RBFOX1: variants seen among roughly 807,000 people sequenced by gnomAD.
RBFOX1 encodes RNA binding protein fox-1 homolog 1.
Under a neutral mutation model 57.7 loss-of-function variants are expected in RBFOX1, and 8 were observed. The ratio of observed to expected loss-of-function variants is 0.14; its 90% CI spans 0.08 to 0.25. The LOEUF is 0.25. Among genes scored for constraint, RBFOX1 ranks in the 10% least tolerant of loss-of-function variants. The pLI is 1.00. For missense variants in RBFOX1, 611 were observed against 548.5 expected (o/e 1.11, Z -1.14); for synonymous variants, 326 against 222.4 (o/e 1.47, Z -4.15).
chr16:7,398,081 G>A (rs6500953), intron 4 of RBFOX1, among the ~76,000 whole-genome samples: 4,234 of 152,082 alleles, frequency 0.028, 142 homozygotes, highest in African/African-American at 0.076. Context: ...CTATTTCCTG[G>A]GTTGTTCATG....
At chr16:7,520,916 A>G (rs757642065) in intron 5 of RBFOX1, among the ~76,000 whole-genome samples, 12 of 152,304 alleles carry the variant, frequency 7.9e-5, no homozygotes, top group East Asian at 1.9e-4. Context: ...TTAAGCTTCT[A>G]TTAGGGCCAG....
rs567131999 is a variant in RBFOX1, at chr16:7,551,057, A to C, written c.271-28720A>C. Among the ~76,000 whole-genome samples, 159 of 146,778 alleles carry C rather than the reference A, an allele frequency of 1.1e-3. 2 individuals are homozygous for C. The highest frequency in any genetic ancestry group is 3.8e-3 in the African/African-American group (149 of 39,696). ...TGCAGTGAGCTGAGATTGTGCCATC[A>C]CACTCCAGCCTGGGCAACAAGAGCG... On this transcript the variant is annotated intron_variant, in intron 5 of 15. Coordinates refer to ENST00000550418, the MANE Select transcript of RBFOX1 (RefSeq NM_018723.4).
chr16:5,827,033 C>A lies in RBFOX1; in HGVS notation c.319-40270C>A, dbSNP rs545467374. 1.8e-3 allele frequency among the ~76,000 whole-genome samples: 272 copies of A among 152,304 alleles called. 2 individuals carry two copies. Among genetic ancestry groups the A allele is most frequent in the Middle Eastern group, 3.4e-3 (1 of 294 alleles). On this transcript the variant is annotated intron_variant, in intron 3 of 19. Coordinates refer to the RBFOX1 transcript ENST00000641259. The stretch of plus-strand genomic sequence containing the variant: ...GAAGCCTATCTCTTCGTTGGAGCAT[C>A]CTTGACTCTACGAATATTCTTTCTC...
At chr16:6,089,897 G>A (rs1488315424) in intron 1 of RBFOX1, among the ~76,000 whole-genome samples, 1 of 152,224 alleles carries the variant, frequency 6.6e-6, no homozygotes, top group Non-Finnish European at 1.5e-5. Flanking sequence ...TCCCATGGCT[G>A]CTGTAATAAA....
In RBFOX1 at chr16:5,454,947, C is replaced by T. The variant is rs1567535752; in HGVS notation, c.220-12269C>T. On this transcript the variant is annotated intron_variant, in intron 1 of 2. Coordinates refer to the RBFOX1 transcript ENST00000585867. ...TCTTTCTTCCTTCCTTCCTTCCTTCCTTCCTTCCTTCCTTTCTTTCTTTCT... is the reference window on the plus strand; with the variant it reads ...TCTTTCTTCCTTCCTTCCTTCCTTCTTTCCTTCCTTCCTTTCTTTCTTTCT... Among the ~76,000 whole-genome samples the T allele has an allele frequency of 4.2e-3, 191 of 45,690 alleles. 7 individuals are homozygous for T. The highest frequency in any genetic ancestry group is 0.013 in the African/African-American group (180 of 13,546). 30.0% of individuals were successfully genotyped at this position (45,690 alleles called of 152,430 possible). A position where few individuals can be genotyped will look rare whatever the true frequency, so the allele number is the denominator to read the frequency against.
chr16:5,749,034 C>A (rs1044676492), intron 3 of RBFOX1, among the ~76,000 whole-genome samples: 10 of 152,106 alleles, frequency 6.6e-5, no homozygotes, highest in African/African-American at 2.4e-4. Flanking sequence ...ATGTTGAGTG[C>A]TTCCTTCAGG....
intron 4 of RBFOX1, among the ~76,000 whole-genome samples, chr16:7,105,026 C>T (rs964651247): frequency 9.9e-5 from 15 of 151,668 alleles, no homozygotes; most frequent in African/African-American, 3.6e-4. Context: ...ACAGAAAAGC[C>T]CTTCTTGGCA....
At chr16:5,839,136 C>G (rs935432550) in intron 3 of RBFOX1, among the ~76,000 whole-genome samples, 1 of 152,140 alleles carries the variant, frequency 6.6e-6, no homozygotes, top group African/African-American at 2.4e-5. Context: ...CTGAAAAACA[C>G]GGACTTATAA....
intron 1 of RBFOX1, among the ~76,000 whole-genome samples, chr16:5,340,493 TG>T (rs1265258732): frequency 2.2e-4 from 33 of 152,338 alleles, no homozygotes; most frequent in African/African-American, 7.7e-4. Context: ...TTGGGAGTGA[TG>T]GCATGTGTCA....
At chr16:6,702,032 C>T (rs978091521) in intron 3 of RBFOX1, among the ~76,000 whole-genome samples, 4 of 152,080 alleles carry the variant, frequency 2.6e-5, no homozygotes, top group Admixed American at 2.6e-4. Context: ...ATCTGTACAC[C>T]ATACCCTTGC....
intron 4 of RBFOX1, among the ~76,000 whole-genome samples, chr16:7,136,043 ATTGT>A (rs1298305050): frequency 6.6e-6 from 1 of 152,218 alleles, no homozygotes; most frequent in Admixed American, 6.5e-5. Context: ...GTAATGTGGT[ATTGT>A]TGGAGCATAT....
chr16:5,856,557 G>GTGTA lies in RBFOX1; in HGVS notation c.319-10743_319-10742insATGT, dbSNP rs1555547843. 4.6e-3 allele frequency among the ~76,000 whole-genome samples: 271 copies of GTGTA among 58,618 alleles called. 4 individuals are homozygous for GTGTA. Among genetic ancestry groups the GTGTA allele is most frequent in the African/African-American group, 0.016 (239 of 15,116 alleles). 38.5% of individuals were successfully genotyped at this position (58,618 alleles called of 152,430 possible). A position where few individuals can be genotyped will look rare whatever the true frequency, so the allele number is the denominator to read the frequency against. ...TGTGTATGTGTGTGTGTGTGTGTGT[G>GTGTA]TGTGTATGTGTGTGTGTGTATATAT... is the stretch of plus-strand genomic sequence containing the variant. On this transcript the variant is annotated intron_variant, in intron 3 of 19. Coordinates refer to the RBFOX1 transcript ENST00000641259.
At chr16:6,050,724 C>T (rs772955805) in intron 1 of RBFOX1, among the ~76,000 whole-genome samples, 2 of 151,942 alleles carry the variant, frequency 1.3e-5, no homozygotes, top group South Asian at 2.1e-4. Flanking sequence ...TCCCAGTCTA[C>T]TATTAGGATA....
At chr16:5,793,317 T>C (rs1439424106) in intron 3 of RBFOX1, among the ~76,000 whole-genome samples, 1 of 152,260 alleles carries the variant, frequency 6.6e-6, no homozygotes, top group Non-Finnish European at 1.5e-5. Flanking sequence ...TTAACCGTGT[T>C]TGTTTCTGTC....
At chr16:5,999,738 G>C (rs1255697532) in intron 4 of RBFOX1, among the ~76,000 whole-genome samples, 2 of 151,936 alleles carry the variant, frequency 1.3e-5, no homozygotes, top group Admixed American at 1.3e-4. Context: ...GCGGGCGCCT[G>C]TAGTCCCAGC....
At chr16:6,173,521 C>G (rs1266251767) in intron 1 of RBFOX1, among the ~76,000 whole-genome samples, 1 of 151,762 alleles carries the variant, frequency 6.6e-6, no homozygotes, top group Non-Finnish European at 1.5e-5. Context: ...ATGCTTACTC[C>G]CTGTCTACCC....
chr16:6,263,452 G>A (rs1012093059), intron 1 of RBFOX1, among the ~76,000 whole-genome samples: 1 of 152,094 alleles, frequency 6.6e-6, no homozygotes, highest in South Asian at 2.1e-4. Flanking sequence ...TTATTTGGAG[G>A]TACATTTCTG....
intron 3 of RBFOX1, among the ~76,000 whole-genome samples, chr16:7,044,961 C>T (rs1032512456): frequency 2.3e-4 from 35 of 152,170 alleles, no homozygotes; most frequent in African/African-American, 8.4e-4. Context: ...AATCATTACA[C>T]CCTGTTTGGG....
At chr16:6,760,231 T>C (rs1017885833) in intron 3 of RBFOX1, among the ~76,000 whole-genome samples, 1 of 152,230 alleles carries the variant, frequency 6.6e-6, no homozygotes, top group Non-Finnish European at 1.5e-5. Context: ...TCCTCATGTC[T>C]TTAAGCAGGA....
Sources: gnomAD v4.1 joint callset for allele counts (sites outside exome capture counted in the v4.1 genomes callset) on GRCh38, gnomAD v4.1.1 for gene constraint, MANE v1.5 for transcripts, NCBI Gene and HGNC (gene_info 2026-07-23, HGNC 2026-07-21) for gene names.